KDM4C: variants seen among roughly 807,000 people sequenced by gnomAD.
KDM4C encodes the protein lysine demethylase 4C.
Under a neutral mutation model 129.3 loss-of-function variants are expected in KDM4C, and 81 were observed. The ratio of observed to expected loss-of-function variants is 0.63; its 90% CI spans 0.52 to 0.75. The LOEUF (loss-of-function observed/expected upper bound fraction) is 0.75, where lower values mean the gene tolerates loss of function less well. Among genes scored for constraint, KDM4C ranks in the 30% least tolerant of loss-of-function variants. The pLI, the probability that KDM4C is intolerant of heterozygous loss-of-function variation, is 0.00. For synonymous variants in KDM4C, 573 were observed against 456.1 expected (o/e 1.26, Z -3.26); for missense variants, 1,457 against 1,304.0 (o/e 1.12, Z -1.81).
chr9:6,725,303 G>C (rs923492292), intron 1 of KDM4C, among the ~76,000 whole-genome samples: 1 of 145,592 alleles, frequency 6.9e-6, no homozygotes, highest in Non-Finnish European at 1.5e-5. Context: ...AACACATTGG[G>C]CTCTTGCTGG....
intron 5 of KDM4C, among the ~76,000 whole-genome samples, chr9:6,866,815 A>G (rs1842052601): frequency 6.6e-6 from 1 of 150,618 alleles, no homozygotes; most frequent in Non-Finnish European, 1.5e-5. Context: ...ATTTGCTTGG[A>G]AGTTTTTTAC....
chr9:6,748,657 A>T (rs777499009), intron 1 of KDM4C: 1 of 1,052,478 alleles, frequency 9.5e-7, no homozygotes, highest in Non-Finnish European at 1.5e-6. Context: ...GACGTCTAAA[A>T]ACAAACTGTA....
At chr9:6,761,871 G>A (rs1238035239) in intron 1 of KDM4C, among the ~76,000 whole-genome samples, 1 of 152,028 alleles carries the variant, frequency 6.6e-6, no homozygotes, top group Non-Finnish European at 1.5e-5. Flanking sequence ...GAGTGCAGTG[G>A]CATGATCTCG....
At chr9:7,104,443 C>G (rs2133160668) in intron 18 of KDM4C, 1 of 152,152 alleles carries the variant, frequency 6.6e-6, no homozygotes, top group East Asian at 1.9e-4. Flanking sequence ...TGAGGATAAT[C>G]TCATAGAAAA....
intron 4 of KDM4C, among the ~76,000 whole-genome samples, chr9:6,832,902 ATT>A (rs35311426): frequency 7.5e-6 from 1 of 134,192 alleles, no homozygotes; most frequent in Non-Finnish European, 1.6e-5. Flanking sequence ...TAATTTTTGT[ATT>A]TTTTTTTTTT....
At chr9:6,944,652 G>GTTTT (rs1158199897) in intron 8 of KDM4C, among the ~76,000 whole-genome samples, 6,599 of 80,688 alleles carry the variant, frequency 0.082, 960 homozygotes, top group Middle Eastern at 0.1. Context: ...CAAGGTAGAG[G>GTTTT]TTTTTTTTTT....
At chr9:6,776,558 G>T (rs1265479717) in intron 1 of KDM4C, among the ~76,000 whole-genome samples, 1 of 147,596 alleles carries the variant, frequency 6.8e-6, no homozygotes, top group Non-Finnish European at 1.5e-5. Flanking sequence ...TCTTTCTTTG[G>T]CTCAAGTCCC....
chr9:7,163,991 A>T (rs1411796965), intron 19 of KDM4C, among the ~76,000 whole-genome samples: 1 of 152,194 alleles, frequency 6.6e-6, no homozygotes, highest in Non-Finnish European at 1.5e-5. Flanking sequence ...CTCCTTTATA[A>T]GGCACAATTT....
At chr9:6,947,129 A>C (rs1827112973) in intron 8 of KDM4C, among the ~76,000 whole-genome samples, 1 of 152,176 alleles carries the variant, frequency 6.6e-6, no homozygotes, top group Non-Finnish European at 1.5e-5. Context: ...TTCCCAGTGT[A>C]ATCTCTGGGA....
At chr9:6,757,603 C>T (rs1262771796), upstream of KDM4C, 1 of 984,406 alleles carries the variant, frequency 1.0e-6, no homozygotes, top group Non-Finnish European at 1.2e-6. Context: ...GAGGCTCCAC[C>T]CCGGTAACGC....
chr9:6,813,209 T>A (rs930932834), intron 3 of KDM4C, among the ~76,000 whole-genome samples: 1 of 151,970 alleles, frequency 6.6e-6, no homozygotes, highest in East Asian at 1.9e-4. Context: ...AAAAAAAAAT[T>A]TTTAATTCTT....
chr9:7,074,537 C>T (rs962541471), intron 17 of KDM4C, among the ~76,000 whole-genome samples: 7 of 152,080 alleles, frequency 4.6e-5, no homozygotes, highest in African/African-American at 1.4e-4. Context: ...TAGAAAGTCA[C>T]GTATAAATGA....
chr9:6,934,337 C>T (rs1170126478), intron 8 of KDM4C, among the ~76,000 whole-genome samples: 2 of 138,202 alleles, frequency 1.4e-5, no homozygotes, highest in African/African-American at 2.5e-5. Context: ...AAAAATTAGC[C>T]GTTTGTGCTG....
intron 15 of KDM4C, among the ~76,000 whole-genome samples, chr9:7,018,925 C>T (rs572544821): frequency 9.2e-5 from 14 of 152,170 alleles, no homozygotes; most frequent in Non-Finnish European, 1.6e-4. Context: ...TGTCAATTTA[C>T]AGTTGAACTG....
intron 1 of KDM4C, among the ~76,000 whole-genome samples, chr9:6,724,255 T>G (rs1817053547): frequency 6.6e-6 from 1 of 152,286 alleles, no homozygotes; most frequent in Middle Eastern, 3.4e-3. Context: ...AGGCAGTAAG[T>G]GCCATTTAGG....
At chr9:6,815,895 A>G (rs1831999170) in intron 4 of KDM4C, among the ~76,000 whole-genome samples, 2 of 152,096 alleles carry the variant, frequency 1.3e-5, no homozygotes, top group Admixed American at 6.6e-5. Context: ...CTCTGTTTCT[A>G]TCTGTCTGTC....
intron 8 of KDM4C, among the ~76,000 whole-genome samples, chr9:6,932,702 G>T (rs143805703): frequency 1.5e-3 from 229 of 152,280 alleles, no homozygotes; most frequent in African/African-American, 5.4e-3. Context: ...TCCTTCATTG[G>T]TTCTGACCCC....
chr9:7,031,776 G>T (rs1011521566), intron 15 of KDM4C, among the ~76,000 whole-genome samples: 16 of 152,142 alleles, frequency 1.1e-4, no homozygotes, highest in African/African-American at 3.9e-4. Flanking sequence ...GCCCTTCAGT[G>T]CTGCACGTGG....
Position 6,880,059 on chromosome 9 carries a change from A to G in KDM4C, c.677A>G (p.Gln226Arg). The part of the protein sequence containing the change: ...EHGKRLERLA[Q>R]GFFPSSSQGC... ...GGAAAACGACTTGAAAGACTAGCTC[A>G]AGGTAAAACTTGCTTTTTAAATTTG... The change falls in exon 6 of 22, where the codon CAA (glutamine) becomes CGA (arginine). Residue 226 changes from glutamine (Q) to arginine (R), a missense_variant and splice_region_variant. Gln to Arg is a conservative substitution (Grantham distance 43). Transcript: ENST00000381309. 1 of 1,594,584 alleles carries G rather than the reference A, an allele frequency of 6.3e-7. No individual in the cohort carries two copies. The highest frequency in any genetic ancestry group is 8.6e-7 in the Non-Finnish European group (1 of 1,166,700).
Sources: gnomAD v4.1 joint callset for allele counts (sites outside exome capture counted in the v4.1 genomes callset) on GRCh38, gnomAD v4.1.1 for gene constraint, MANE v1.5 for transcripts, NCBI Gene and HGNC (gene_info 2026-07-23, HGNC 2026-07-21) for gene names.